The following DNM1L variants were observed in gnomAD, a reference collection of about 807,000 sequenced individuals.
The protein encoded by DNM1L is dynamin-1-like protein.
In DNM1L, 33 loss-of-function variants were observed where a neutral mutation model predicts 92.8. That is an observed-to-expected ratio of 0.36 (90% CI 0.27 to 0.48). The LOEUF is 0.48. DNM1L is among the 20% of genes least tolerant of loss of function. The pLI is 0.99. For synonymous variants in DNM1L, 284 were observed against 305.0 expected, an observed-to-expected ratio of 0.93 and a Z score of 0.72; for missense variants, 485 against 888.8, an observed-to-expected ratio of 0.55 and a Z score of 5.78.
chr12:32,729,094 C>CG (rs1555124904), intron 9 of DNM1L: 4 of 140,886 alleles, frequency 2.8e-5, no homozygotes, highest in African/African-American at 1.1e-4. Context: ...CCCAGTCCCC[C>CG]TTTTTTTGAG....
chr12:32,737,425 C>A, intron 14 of DNM1L: 1 of 454,704 alleles, frequency 2.2e-6, no homozygotes, highest in Non-Finnish European at 4.0e-6. Context: ...TAAAAAAATT[C>A]AGTCAGTGAC....
At chr12:32,712,649 CAAAAA>C (rs59906286) in intron 5 of DNM1L, among the ~76,000 whole-genome samples, 152 of 29,738 alleles carry the variant, frequency 5.1e-3, no homozygotes, top group South Asian at 0.049. Flanking sequence ...GACCCTGTCT[CAAAAA>C]AAAAAAAAAA....
At chr12:32,724,589 A>ATATATATAT (rs1555123381) in intron 9 of DNM1L, among the ~76,000 whole-genome samples, 2 of 80,802 alleles carry the variant, frequency 2.5e-5, no homozygotes, top group East Asian at 2.4e-4. Context: ...AAAAAAAAAA[A>ATATATATAT]AAAAATATAT....
chr12:32,701,064 C>T (rs930792722), intron 1 of DNM1L, among the ~76,000 whole-genome samples: 27 of 152,136 alleles, frequency 1.8e-4, no homozygotes, highest in African/African-American at 5.6e-4. Context: ...CACCTGAGGT[C>T]GGGAGTTCGA....
intron 5 of DNM1L, among the ~76,000 whole-genome samples, chr12:32,711,608 ATC>A (rs907312009): frequency 6.6e-6 from 1 of 152,002 alleles, no homozygotes; most frequent in African/African-American, 2.4e-5. Flanking sequence ...TTCCTTGGCC[ATC>A]TCTGTTTGGT....
At chr12:32,712,988 T>C (rs1953198838) in intron 5 of DNM1L, among the ~76,000 whole-genome samples, 1 of 152,198 alleles carries the variant, frequency 6.6e-6, no homozygotes, top group African/African-American at 2.4e-5. Context: ...GTTCTTAACA[T>C]GGGACTGTAT....
At chr12:32,726,776 C>T (rs550531468) in intron 9 of DNM1L, 2 of 621,652 alleles carry the variant, frequency 3.2e-6, no homozygotes, top group Non-Finnish European at 5.8e-6. Flanking sequence ...TCCAATCTAT[C>T]TGGCCCCCTG....
At chr12:32,702,233 CAAAAAAAAAAA>C (rs1179046487) in intron 2 of DNM1L, among the ~76,000 whole-genome samples, 1,855 of 81,352 alleles carry the variant, frequency 0.023, 26 homozygotes, top group Non-Finnish European at 0.032. Flanking sequence ...GACTCCGTCT[CAAAAAAAAAAA>C]AAAAAAAAAA....
rs375929274 is a variant in DNM1L, at chr12:32,713,367, A to G, written c.615A>G (p.Pro205=). The change falls in exon 6 of 20, where the codon CCA becomes CCG. Residue 205 remains proline, a synonymous_variant. Transcript: ENST00000549701. ...TTAAAATTTCAAGAGAGGTAGATCC[A>G]GATGGTAAGGACAGATGTTAATTTA... ...EALKISREVD[P]DGRRTLAVIT... is the part of the protein sequence containing the mutation. 6.2e-7 allele frequency: 1 copy of G among 1,613,924 alleles called. No homozygotes were observed. The highest frequency in any genetic ancestry group is 8.5e-7 in the Non-Finnish European group (1 of 1,179,906).
intron 19 of DNM1L, 34 bp downstream of exon 19, chr12:32,742,782 T>C (rs545901490): frequency 6.2e-7 from 1 of 1,612,646 alleles, no homozygotes; most frequent in African/African-American, 1.3e-5. Context: ...TATACTTGGG[T>C]AGTAGATAGA....
rs576465231 is a variant in DNM1L, at chr12:32,699,776, G to A, written c.103-1639G>A. ...GCCACTGCACTCCAGCAGCCTGGGC[G>A]ACAGAGCAAGACTCCATCTCAAAAA... On this transcript the variant is annotated intron_variant, in intron 1 of 19. Transcript: ENST00000549701. Among the ~76,000 whole-genome samples, 34 of 118,362 alleles carry A rather than the reference G, an allele frequency of 2.9e-4. No individual in the cohort carries two copies. In the East Asian group the frequency reaches 8.6e-3, roughly 30 times the overall value. The allele number at this position is 118,362 out of a possible 152,430, so 77.7% of individuals were successfully genotyped here.
chr12:32,722,358 A>AT, intron 8 of DNM1L, 69 bp from the exon 9 acceptor site: 1 of 1,333,196 alleles, frequency 7.5e-7, no homozygotes, highest in South Asian at 1.2e-5. Context: ...CATTGTAAAA[A>AT]TTTGACTTGT....
intron 7 of DNM1L, among the ~76,000 whole-genome samples, chr12:32,719,125 T>C (rs1953687280): frequency 6.6e-6 from 1 of 152,008 alleles, no homozygotes; most frequent in Admixed American, 6.6e-5. Flanking sequence ...TAATTTTAAA[T>C]TTTTTTGTAG....
chr12:32,688,360 G>C (rs7305407), intron 1 of DNM1L, among the ~76,000 whole-genome samples: 23,441 of 152,170 alleles, frequency 0.15, 1,913 homozygotes, highest in Middle Eastern at 0.21. Context: ...TTTTTGATGG[G>C]GAGGTTTTTT....
chr12:32,708,632 C>T (rs1045166176), intron 4 of DNM1L, among the ~76,000 whole-genome samples: 3 of 151,784 alleles, frequency 2.0e-5, no homozygotes, highest in African/African-American at 7.3e-5. Flanking sequence ...TCTTTTCTTA[C>T]CTGTGTATGG....
At chr12:32,706,904 G>T in intron 2 of DNM1L, 1 of 296,256 alleles carries the variant, frequency 3.4e-6, no homozygotes, top group South Asian at 3.2e-5. Flanking sequence ...AGTCATATGT[G>T]TACATCTGTT....
intron 1 of DNM1L, among the ~76,000 whole-genome samples, chr12:32,683,914 A>G (rs1951897945): frequency 6.6e-6 from 1 of 152,158 alleles, no homozygotes; most frequent in South Asian, 2.1e-4. Context: ...CCTGACCTCA[A>G]ATGATCTGCC....
chr12:32,685,509 C>T (rs1051008005), intron 1 of DNM1L, among the ~76,000 whole-genome samples: 3 of 151,832 alleles, frequency 2.0e-5, no homozygotes, highest in Non-Finnish European at 2.9e-5. Context: ...TACAGGTGCC[C>T]GCCACTACTG....
intron 1 of DNM1L, among the ~76,000 whole-genome samples, chr12:32,696,826 T>C (rs1565496563): frequency 6.7e-6 from 1 of 150,202 alleles, no homozygotes; most frequent in Non-Finnish European, 1.5e-5. Flanking sequence ...GGTTTCACCA[T>C]GTTGGCCAGG....
Sources: allele counts gnomAD v4.1 joint callset (sites outside exome capture counted in the v4.1 genomes callset), GRCh38; gene constraint gnomAD v4.1.1; transcripts MANE v1.5; gene names NCBI Gene and HGNC (gene_info 2026-07-23, HGNC 2026-07-21).